Variants in DPY19L3 observed in about 807,000 individuals in gnomAD.
The protein encoded by DPY19L3 is protein C-mannosyl-transferase DPY19L3.
Under a neutral mutation model 92.3 loss-of-function variants are expected in DPY19L3, and 51 were observed. The ratio of observed to expected loss-of-function variants is 0.55; its 90% confidence interval spans 0.44 to 0.70. DPY19L3 has a LOEUF of 0.70. Among genes scored for constraint, DPY19L3 ranks in the 30% least tolerant of loss-of-function variants. DPY19L3 has a pLI of 0.00. For missense variants in DPY19L3, 706 were observed against 855.9 expected (o/e 0.82, Z 2.18); for synonymous variants, 309 against 315.2 (o/e 0.98, Z 0.21).
intron 8 of DPY19L3, among the ~76,000 whole-genome samples, chr19:32,441,236 GAAAT>G (rs889361548): frequency 7.2e-5 from 11 of 151,996 alleles, no homozygotes; most frequent in Non-Finnish European, 1.6e-4. Flanking sequence ...AAGATAAAAA[GAAAT>G]AAAAAACTGG....
Position 32,429,310 on chromosome 19 carries a change from A to G in DPY19L3, c.238-3406A>G, listed in dbSNP as rs114254644. 5.7e-3 allele frequency among the ~76,000 whole-genome samples: 861 copies of G among 152,328 alleles called. 3 individuals carry two copies. Among genetic ancestry groups the G allele is most frequent in the African/African-American group, 0.02 (832 of 41,574 alleles). On this transcript the variant is annotated intron_variant, in intron 3 of 18. Coordinates refer to ENST00000392250, the MANE Select transcript of DPY19L3 (RefSeq NM_001172774.2). ...TTGCATTCTTTAGAGGATAACTACT[A>G]TTGGTGTATATTTTCACGGGTGTGA...
chr19:32,436,313 T>G, intron 4 of DPY19L3, 133 bp from the exon 5 acceptor site: 2 of 506,168 alleles, frequency 4.0e-6, no homozygotes, highest in East Asian at 3.8e-5. Flanking sequence ...GGAGTATGTT[T>G]TTTTTGCTTA....
chr19:32,470,282 G>T (rs1400018144), intron 16 of DPY19L3, among the ~76,000 whole-genome samples: 1 of 152,238 alleles, frequency 6.6e-6, no homozygotes, highest in Non-Finnish European at 1.5e-5. Context: ...AGTTATTCGT[G>T]TAAAGGAAAG....
At chr19:32,427,168 T>C (rs1449707693) in intron 3 of DPY19L3, among the ~76,000 whole-genome samples, 1 of 152,130 alleles carries the variant, frequency 6.6e-6, no homozygotes, top group Non-Finnish European at 1.5e-5. Flanking sequence ...TAATTTTTTA[T>C]ATTTTTAGTA....
At chr19:32,442,198 T>A (rs1568340201) in intron 8 of DPY19L3, among the ~76,000 whole-genome samples, 1 of 152,226 alleles carries the variant, frequency 6.6e-6, no homozygotes, top group Non-Finnish European at 1.5e-5. Context: ...CAGTACCTTC[T>A]ACAGTACATT....
At chr19:32,469,312 CATG>C (rs1446051948) in intron 16 of DPY19L3, among the ~76,000 whole-genome samples, 1 of 152,032 alleles carries the variant, frequency 6.6e-6, no homozygotes, top group Non-Finnish European at 1.5e-5. Flanking sequence ...GCCTGGCCAA[CATG>C]ATGAAACCCC....
Position 32,437,727 on chromosome 19 carries a change from T to TA in DPY19L3, c.596+389dup, listed in dbSNP as rs1969190236. Among the ~76,000 whole-genome samples the TA allele has an allele frequency of 2.6e-5, 4 of 152,164 alleles. No homozygotes were observed. The South Asian group carries it at 8.3e-4, about 32-fold the overall frequency. On this transcript the variant is annotated intron_variant, in intron 6 of 18. Transcript: ENST00000392250. ...GATATTTCAATACATATAGAATGTA[T>TA]AGTGATCAGATCAAGGTAATTAACG...
chr19:32,457,759 A>G (rs1969911744), intron 10 of DPY19L3, among the ~76,000 whole-genome samples: 2 of 152,202 alleles, frequency 1.3e-5, no homozygotes, highest in African/African-American at 2.4e-5. Flanking sequence ...TCGTCTTGTC[A>G]GTTTTCTGGT....
At chr19:32,406,647 T>C (rs1967963751) in intron 1 of DPY19L3, among the ~76,000 whole-genome samples, 1 of 152,214 alleles carries the variant, frequency 6.6e-6, no homozygotes, top group African/African-American at 2.4e-5. Flanking sequence ...CTCGCCCGGC[T>C]AGCGCTAGTC....
chr19:32,442,690 C>T (rs1318564958), intron 8 of DPY19L3, among the ~76,000 whole-genome samples: 2 of 152,196 alleles, frequency 1.3e-5, no homozygotes, highest in East Asian at 1.9e-4. Flanking sequence ...AAAAAGCCTC[C>T]TCCCTCTAGC....
intron 8 of DPY19L3, among the ~76,000 whole-genome samples, chr19:32,442,758 C>G (rs1214965794): frequency 6.6e-6 from 1 of 152,212 alleles, no homozygotes; most frequent in African/African-American, 2.4e-5. Flanking sequence ...CATTAACTGC[C>G]TTATTCTAGC....
At chr19:32,456,806 A>G (rs11672656) in intron 10 of DPY19L3, among the ~76,000 whole-genome samples, 86,136 of 151,838 alleles carry the variant, frequency 0.57, 24,952 homozygotes, top group East Asian at 0.63. Flanking sequence ...GCCTGTGTCA[A>G]AATATCTCAT....
chr19:32,426,965 A>G lies in DPY19L3; in HGVS notation c.238-5751A>G, dbSNP rs10410195. ...TGCCTGAAGTCGTTTCCCTTTGTTT[A>G]CAATGTGTTCTTTCTTTGGTGTTTC... On this transcript the variant is annotated intron_variant, in intron 3 of 18. Transcript: ENST00000392250. Among the ~76,000 whole-genome samples, 732 of 152,240 alleles carry G rather than the reference A, an allele frequency of 4.8e-3. 7 individuals carry two copies. The highest frequency in any genetic ancestry group is 0.017 in the African/African-American group (688 of 41,548).
intron 16 of DPY19L3, among the ~76,000 whole-genome samples, chr19:32,476,865 T>A (rs998430525): frequency 2.8e-4 from 43 of 152,184 alleles, no homozygotes; most frequent in Non-Finnish European, 5.9e-4. Context: ...TATTTCAGAA[T>A]CTTGTTTCCA....
At chr19:32,457,486 T>A (rs1211709513) in intron 10 of DPY19L3, among the ~76,000 whole-genome samples, 1 of 147,998 alleles carries the variant, frequency 6.8e-6, no homozygotes, top group Non-Finnish European at 1.5e-5. Context: ...CTCCCTGTCT[T>A]CATTTTTCTT....
chr19:32,417,181 A>G (rs1284105307), intron 3 of DPY19L3, among the ~76,000 whole-genome samples: 1 of 152,188 alleles, frequency 6.6e-6, no homozygotes, highest in Admixed American at 6.5e-5. Flanking sequence ...CTGTGTCCCC[A>G]CCCAAATCTC....
At chr19:32,442,620 A>G (rs11670709) in intron 8 of DPY19L3, among the ~76,000 whole-genome samples, 59,555 of 152,092 alleles carry the variant, frequency 0.39, 13,713 homozygotes, top group Non-Finnish European at 0.53. Flanking sequence ...TTTTTGCCCC[A>G]TATATCCTTG....
At chr19:32,440,032 T>C in intron 8 of DPY19L3, 122 bp downstream of exon 8, 9 of 1,325,530 alleles carry the variant, frequency 6.8e-6, no homozygotes, top group Non-Finnish European at 9.3e-6. Flanking sequence ...AGATCTGCTG[T>C]AAATTTGCTG....
At chr19:32,476,926 CTG>C (rs773935543) in intron 16 of DPY19L3, among the ~76,000 whole-genome samples, 14 of 152,094 alleles carry the variant, frequency 9.2e-5, no homozygotes, top group South Asian at 6.2e-4. Flanking sequence ...ATGGTGGTAT[CTG>C]TGATTTTTTT....
Sources: gnomAD v4.1 joint callset for allele counts (sites outside exome capture counted in the v4.1 genomes callset) on GRCh38, gnomAD v4.1.1 for gene constraint, MANE v1.5 for transcripts, NCBI Gene and HGNC (gene_info 2026-07-23, HGNC 2026-07-21) for gene names.